The following DHX57 variants were observed in gnomAD, a reference collection of about 807,000 sequenced individuals.
DHX57 encodes DExH-box helicase 57.
DHX57 carries 105 observed loss-of-function variants against 156.2 expected under a neutral mutation model. The observed-to-expected ratio is 0.67, with a 90% CI of 0.57 to 0.79. The LOEUF (loss-of-function observed/expected upper bound fraction) is 0.79, where lower values mean the gene tolerates loss of function less well. Among genes scored for constraint, DHX57 ranks in the 30% least tolerant of loss-of-function variants. The pLI is 0.00. For synonymous variants in DHX57, 704 were observed against 595.6 expected (o/e 1.18, Z -2.65); for missense variants, 1,847 against 1,661.9 (o/e 1.11, Z -1.94).
At chr2:38,850,159 T>C (rs933000362) in intron 9 of DHX57, among the ~76,000 whole-genome samples, 1 of 152,222 alleles carries the variant, frequency 6.6e-6, no homozygotes, top group Non-Finnish European at 1.5e-5. Context: ...CAAAAGTAAC[T>C]ATTTCTAACA....
In DHX57 at chr2:38,806,514, C is replaced by T. The variant is rs1669942444; in HGVS notation, c.3816+45G>A. The stretch of plus-strand genomic sequence containing the variant: ...TGAATTTAAGGAATTGCATTTCCTA[C>T]CCCAGGACGACCTGTAAACATTAAG... On this transcript the variant is annotated intron_variant, in intron 22 of 23. Transcript: ENST00000457308. 6 of 1,600,330 alleles carry T rather than the reference C, an allele frequency of 3.7e-6. No individual in the cohort carries two copies. The Admixed American group carries it at 5.1e-5, about 14-fold the overall frequency.
chr2:38,817,948 C>T (rs1439007980), intron 19 of DHX57, among the ~76,000 whole-genome samples: 3 of 151,170 alleles, frequency 2.0e-5, no homozygotes, highest in South Asian at 4.2e-4. Context: ...TCGTCAGCCT[C>T]TCAAAGTGCT....
At chr2:38,818,407 G>A (rs748856133) in intron 19 of DHX57, among the ~76,000 whole-genome samples, 50 of 152,040 alleles carry the variant, frequency 3.3e-4, no homozygotes, top group Non-Finnish European at 5.6e-4. Context: ...TGTGCCTGTC[G>A]TCCCAGCTAC....
chr2:38,848,334 C>T lies in DHX57; in HGVS notation c.2099G>A (p.Ser700Asn). The T allele has an allele frequency of 6.2e-7, 1 of 1,612,454 alleles. No individual in the cohort carries two copies. The highest frequency in any genetic ancestry group is 8.5e-7 in the Non-Finnish European group (1 of 1,179,258). The change falls in exon 10 of 24, where the codon AGT becomes AAT. Residue 700 changes from serine (S) to asparagine (N), a missense_variant. Physicochemically the swap from Ser to Asn is conservative, Grantham distance 46. Transcript: ENST00000457308. The part of the protein sequence containing the change: ...QRPGLQVILM[S>N]ATLNAELFSD... ...AAAAAGCTCAGCGTTTAGAGTTGCA[C>T]TCATTAAAATAACTTGAAGACCTGG...
At chr2:38,845,531 G>C (rs1029246015) in intron 11 of DHX57, among the ~76,000 whole-genome samples, 3 of 152,146 alleles carry the variant, frequency 2.0e-5, no homozygotes, top group African/African-American at 7.2e-5. Context: ...TCAGATATTA[G>C]GGGTGTTTCA....
chr2:38,809,469 CT>C (rs1553322186), intron 21 of DHX57, among the ~76,000 whole-genome samples: 12 of 32,652 alleles, frequency 3.7e-4, no homozygotes, highest in South Asian at 3.3e-3. Context: ...TTTTTTTTTT[CT>C]TTTTTTTTTT....
intron 1 of DHX57, among the ~76,000 whole-genome samples, chr2:38,871,597 A>G (rs1558410939): frequency 6.6e-6 from 1 of 152,144 alleles, no homozygotes; most frequent in Non-Finnish European, 1.5e-5. Flanking sequence ...GAAGTCCAAG[A>G]GCATGATGCT....
chr2:38,820,383 A>G (rs1239244487), intron 17 of DHX57, among the ~76,000 whole-genome samples: 2 of 151,482 alleles, frequency 1.3e-5, no homozygotes, highest in Non-Finnish European at 2.9e-5. Flanking sequence ...TTCTGGATTC[A>G]GGGTCCAGAG....
intron 3 of DHX57, 131 bp from the exon 4 acceptor site, chr2:38,862,464 G>A: frequency 1.2e-6 from 1 of 864,802 alleles, no homozygotes; most frequent in Non-Finnish European, 1.6e-6. Flanking sequence ...ATCTTATATT[G>A]AACTATTAAT....
In DHX57 at chr2:38,818,895, C is replaced by G. The variant is rs1670677283; in HGVS notation, c.3453G>C (p.Leu1151Phe). The change falls in exon 19 of 24, where the codon TTG (leucine) becomes TTC (phenylalanine). Residue 1151 changes from leucine (L) to phenylalanine (F), a missense_variant. Transcript: ENST00000457308. Reference protein sequence around the residue: ...ASYNYCRQNFLSGRVLQEMAS... With the variant: ...ASYNYCRQNFFSGRVLQEMAS... The stretch of plus-strand genomic sequence containing the variant: ...AACTCACCTGCAGAACTCTTCCAGA[C>G]AAGAAGTTTTGTCTGCAGTAATTAT... The G allele has an allele frequency of 6.2e-7, 1 of 1,614,218 alleles. No homozygotes were observed. The highest frequency in any genetic ancestry group is 8.5e-7 in the Non-Finnish European group (1 of 1,180,032).
intron 10 of DHX57, among the ~76,000 whole-genome samples, chr2:38,847,644 A>G (rs911718976): frequency 6.6e-6 from 1 of 152,228 alleles, no homozygotes; most frequent in African/African-American, 2.4e-5. Flanking sequence ...AATTTAGCAG[A>G]ATCCAGAAAT....
At chr2:38,841,867 A>G (rs1672026697) in intron 12 of DHX57, among the ~76,000 whole-genome samples, 1 of 152,200 alleles carries the variant, frequency 6.6e-6, no homozygotes, top group South Asian at 2.1e-4. Flanking sequence ...GGAAGTACCT[A>G]ATAACATACA....
chr2:38,825,958 A>C lies in DHX57; in HGVS notation c.2903T>G (p.Val968Gly). The C allele has an allele frequency of 6.2e-7, 1 of 1,614,224 alleles. No individual in the cohort carries two copies. The highest frequency in any genetic ancestry group is 8.5e-7 in the Non-Finnish European group (1 of 1,180,036). The change falls in exon 16 of 24, where the codon GTT becomes GGT. Residue 968 changes from valine to glycine, a missense_variant. Transcript: ENST00000457308. ...ALQRKGRAGR[V>G]ASGVCFHLFT... ...TAAATGGAAGCAGACCCCAGATGCA[A>C]CACGGCCTGCTCGGCCTTTCCTTTG...
In DHX57 at chr2:38,863,392, G is replaced by A. The variant is rs138095798; in HGVS notation, c.352C>T (p.Leu118=). Reference sequence around the variant, plus strand: ...CCAGCATCAGCATCTTGTTCTTGCAGGTCTCGGAGAAGAGCTTTCACTTTC... The same window carrying A: ...CCAGCATCAGCATCTTGTTCTTGCAAGTCTCGGAGAAGAGCTTTCACTTTC... ...QEKVKALLRD[L]QEQDADAGSE... The change falls in exon 3 of 24, where the codon CTG becomes TTG. Residue 118 remains leucine, a synonymous_variant. Coordinates refer to ENST00000457308, the MANE Select transcript of DHX57 (RefSeq NM_198963.3). The A allele has an allele frequency of 3.5e-5, 56 of 1,613,078 alleles. No individual in the cohort carries two copies. The highest frequency in any genetic ancestry group is 4.5e-5 in the Non-Finnish European group (53 of 1,179,838).
intron 13 of DHX57, among the ~76,000 whole-genome samples, chr2:38,830,629 A>C (rs1671331481): frequency 1.3e-5 from 2 of 151,330 alleles, no homozygotes; most frequent in East Asian, 1.9e-4. Flanking sequence ...ACTCCGTCTC[A>C]ATAAAAAAAA....
chr2:38,866,882 G>A (rs1027142498), intron 2 of DHX57, among the ~76,000 whole-genome samples: 18 of 152,172 alleles, frequency 1.2e-4, no homozygotes, highest in African/African-American at 4.3e-4. Flanking sequence ...GCAACATAGA[G>A]AGACTATGCT....
chr2:38,839,840 G>A (rs1262228657), intron 12 of DHX57, among the ~76,000 whole-genome samples: 1 of 152,136 alleles, frequency 6.6e-6, no homozygotes, highest in Non-Finnish European at 1.5e-5. Flanking sequence ...GGGTGAGAAA[G>A]GTGGAGCAGA....
chr2:38,830,090 C>T (rs1363994131), intron 13 of DHX57, among the ~76,000 whole-genome samples: 1 of 152,094 alleles, frequency 6.6e-6, no homozygotes, highest in African/African-American at 2.4e-5. Context: ...TTATTGGGTG[C>T]CTATGTCAGC....
intron 3 of DHX57, chr2:38,863,130 T>C (rs1456689895): frequency 4.3e-6 from 2 of 462,904 alleles, no homozygotes; most frequent in Admixed American, 3.8e-5. Context: ...ATATGAGCAC[T>C]GCCCTGGAAA....
Sources: allele counts gnomAD v4.1 joint callset (sites outside exome capture counted in the v4.1 genomes callset), GRCh38; gene constraint gnomAD v4.1.1; transcripts MANE v1.5; gene names NCBI Gene and HGNC (gene_info 2026-07-23, HGNC 2026-07-21).